The following NBPF12 variants were observed in gnomAD, a reference collection of about 807,000 sequenced individuals.
The protein encoded by NBPF12 is NBPF member 12.
A neutral mutation model predicts 146.4 loss-of-function variants in NBPF12; 115 were observed. The ratio of observed to expected loss-of-function variants is 0.79; its 90% CI spans 0.68 to 0.92. NBPF12 has a LOEUF of 0.92. Among genes scored for constraint, NBPF12 ranks in the 40% least tolerant of loss-of-function variants. The pLI, the probability that NBPF12 is intolerant of heterozygous loss-of-function variation, is 0.00. For synonymous variants in NBPF12, 385 were observed against 508.9 expected (o/e 0.76, Z 3.28); for missense variants, 1,205 against 1,326.8 (o/e 0.91, Z 1.43).
Position 146,977,819 on chromosome 1 carries a change from A to T in NBPF12, c.2398+148A>T, listed in dbSNP as rs1351069329. 7.9e-4 allele frequency: 547 copies of T among 688,360 alleles called. 8 individuals carry two copies. In the African/African-American group the frequency reaches 8.4e-3, roughly 11 times the overall value. The allele number at this position is 688,360 out of a possible 1,614,324, so 42.6% of individuals were successfully genotyped here. A position where few individuals can be genotyped will look rare whatever the true frequency, so the allele number is the denominator to read the frequency against. The stretch of plus-strand genomic sequence containing the variant: ...ATCAGGGAGTTTTTTTGTCCTTCTC[A>T]GCTAATGTCATGCCTTTGTCTGCCA... On this transcript the variant is annotated intron_variant, in intron 18 of 33. Coordinates refer to ENST00000617844, the Ensembl canonical transcript of NBPF12.
At position 146,994,624 on chromosome 1, in the gene NBPF12, A is replaced by G. The variant is rs1371706485; in HGVS notation, c.*49A>G. On this transcript the variant is annotated 3_prime_UTR_variant, in exon 34 of 34. Coordinates refer to ENST00000617844, the Ensembl canonical transcript of NBPF12. ...TTTCATTCCTGCAGGCAGGACCTAT[A>G]GGCACCTGAAGATTTGAATGAAACT... The G allele has an allele frequency of 4.4e-6, 7 of 1,587,846 alleles. No homozygotes were observed. The African/African-American group carries it at 5.5e-5, about 13-fold the overall frequency.
At chr1:146,960,669 T>C (rs1388464359) in intron 4 of NBPF12, among the ~76,000 whole-genome samples, 1 of 151,912 alleles carries the variant, frequency 6.6e-6, no homozygotes, top group Non-Finnish European at 1.5e-5. Flanking sequence ...AGTCTGTTGT[T>C]CTAAATGTCT....
intron 2 of NBPF12, among the ~76,000 whole-genome samples, chr1:146,953,249 G>T (rs1225260502): frequency 7.4e-6 from 1 of 134,790 alleles, no homozygotes; most frequent in Non-Finnish European, 1.6e-5. Context: ...TGTCTGGGAT[G>T]TAATGGATGG....
exon 6 of NBPF12, chr1:146,963,306 C>G: frequency 6.2e-7 from 1 of 1,611,726 alleles, no homozygotes; most frequent in Non-Finnish European, 8.5e-7. Flanking sequence ...AAAGCTCAGC[C>G]CAGGTAAGGT....
intron 4 of NBPF12, among the ~76,000 whole-genome samples, chr1:146,961,405 C>T (rs1422418785): frequency 1.3e-5 from 2 of 151,856 alleles, no homozygotes; most frequent in Middle Eastern, 3.4e-3. Flanking sequence ...ACAATAATAC[C>T]TACCTCTGTA....
chr1:146,958,279 C>T (rs1408479742), intron 2 of NBPF12, among the ~76,000 whole-genome samples: 1 of 127,246 alleles, frequency 7.9e-6, no homozygotes, highest in Admixed American at 8.3e-5. Flanking sequence ...CACCAATGCC[C>T]TTCATTGGGG....
intron 8 of NBPF12, among the ~76,000 whole-genome samples, chr1:146,965,453 G>C (rs1461402640): frequency 2.8e-5 from 4 of 143,262 alleles, no homozygotes; most frequent in Non-Finnish European, 4.6e-5. Flanking sequence ...ACTTCTGTCA[G>C]GCTAGACTCT....
chr1:146,956,268 C>G (rs1201762142), intron 2 of NBPF12, among the ~76,000 whole-genome samples: 1 of 151,926 alleles, frequency 6.6e-6, no homozygotes, highest in African/African-American at 2.4e-5. Context: ...CAAAAGAACA[C>G]AGGTATCATT....
Position 146,965,791 on chromosome 1 carries a change from C to CAAAAAAAAAAAAA in NBPF12, c.779-656_779-644dup, listed in dbSNP as rs1162462110. On this transcript the variant is annotated intron_variant, in intron 8 of 33. Coordinates refer to ENST00000617844, the Ensembl canonical transcript of NBPF12. ...TGGGAGACAGAGCGAGACTGCATCT[C>CAAAAAAAAAAAAA]AAAAAAAAAAAAAAAAAAAAAAAAA... 5.0e-4 allele frequency among the ~76,000 whole-genome samples: 15 copies of CAAAAAAAAAAAAA among 30,056 alleles called. 4 individuals carry two copies. Among genetic ancestry groups the CAAAAAAAAAAAAA allele is most frequent in the East Asian group, 4.8e-3 (3 of 626 alleles). 19.7% of individuals were successfully genotyped at this position (30,056 alleles called of 152,430 possible).
At chr1:146,963,293 C>A (rs1419965656) in exon 6 of NBPF12, 73 of 1,611,694 alleles carry the variant, frequency 4.5e-5, no homozygotes, top group South Asian at 4.4e-4. Flanking sequence ...AGCAACTTGT[C>A]CAAAAGCTCA....
chr1:146,984,366 C>T (rs1324187922), intron 21 of NBPF12, among the ~76,000 whole-genome samples, 181 bp downstream of exon 24: 2 of 149,626 alleles, frequency 1.3e-5, no homozygotes, highest in African/African-American at 5.0e-5. Context: ...TTCTTCCTAC[C>T]CTTATCATTT....
At chr1:146,951,273 A>T (rs1655314531) in intron 1 of NBPF12, 75 bp from the exon 5 acceptor site, 8 of 715,584 alleles carry the variant, frequency 1.1e-5, no homozygotes, top group Non-Finnish European at 2.0e-5. Context: ...CCCTGGGGTC[A>T]TGGTAAGAAA....
chr1:146,961,301 G>A (rs1194701712), intron 4 of NBPF12, among the ~76,000 whole-genome samples: 1 of 151,768 alleles, frequency 6.6e-6, no homozygotes, highest in Admixed American at 6.6e-5. Context: ...GCAGTGCAGT[G>A]TGCAAAGCAG....
chr1:146,961,174 CAAAAAT>C (rs1437837689), intron 4 of NBPF12, among the ~76,000 whole-genome samples: 9 of 151,882 alleles, frequency 5.9e-5, no homozygotes, highest in African/African-American at 1.2e-4. Context: ...ATAAATAAAT[CAAAAAT>C]AAAAATAAAA....
chr1:146,965,465 T>TCTCTC, intron 8 of NBPF12, among the ~76,000 whole-genome samples: 1 of 151,004 alleles, frequency 6.6e-6, no homozygotes, highest in South Asian at 2.1e-4. Context: ...CTAGACTCTC[T>TCTCTC]TTTTCATTGG....
chr1:146,954,117 C>T (rs1471756268), intron 2 of NBPF12, among the ~76,000 whole-genome samples: 1 of 149,536 alleles, frequency 6.7e-6, no homozygotes, highest in African/African-American at 2.5e-5. Context: ...ACAGACTGGG[C>T]ACCATGGCTC....
At chr1:146,965,462 C>CTCTG (rs1656126596) in intron 8 of NBPF12, among the ~76,000 whole-genome samples, 1 of 150,850 alleles carries the variant, frequency 6.6e-6, no homozygotes, top group East Asian at 1.9e-4. Flanking sequence ...AGGCTAGACT[C>CTCTG]TCTTTTTCAT....
intron 1 of NBPF12, among the ~76,000 whole-genome samples, chr1:146,939,733 A>G (rs1223726377): frequency 2.6e-5 from 4 of 151,890 alleles, no homozygotes; most frequent in Admixed American, 2.6e-4. Flanking sequence ...CTTTCGAAAG[A>G]AGCACTTTAA....
At chr1:146,945,568 C>T (rs1655014556), upstream of NBPF12, among the ~76,000 whole-genome samples, 2 of 151,336 alleles carry the variant, frequency 1.3e-5, no homozygotes, top group African/African-American at 4.9e-5. Flanking sequence ...ACTAACCAAA[C>T]AATAACAGGA....
Sources: gnomAD v4.1 joint callset for allele counts (sites outside exome capture counted in the v4.1 genomes callset) on GRCh38, gnomAD v4.1.1 for gene constraint, MANE v1.5 for transcripts, NCBI Gene and HGNC (gene_info 2026-07-23, HGNC 2026-07-21) for gene names.